Variants in DNAAF11 observed in about 807,000 individuals in gnomAD.
The protein encoded by DNAAF11 is leucine rich repeat containing 6.
DNAAF11 carries 45 observed loss-of-function variants against 60.8 expected under a neutral mutation model. The ratio of observed to expected loss-of-function variants is 0.74; its 90% CI spans 0.58 to 0.95. DNAAF11 has a LOEUF of 0.95. Ranked by LOEUF, DNAAF11 falls within the 40% of genes least tolerant of loss-of-function variation. The probability of loss-of-function intolerance (pLI) is 0.00; values close to 1 mark genes in which losing one functional copy is unlikely to be tolerated. For synonymous variants in DNAAF11, 191 were observed against 183.5 expected (o/e 1.04, Z -0.33); for missense variants, 546 against 546.2 (o/e 1.00, Z 0.00).
intron 11 of DNAAF11, among the ~76,000 whole-genome samples, chr8:132,576,373 T>A (rs766246741): frequency 6.6e-6 from 1 of 152,182 alleles, no homozygotes; most frequent in Non-Finnish European, 1.5e-5. Context: ...AAAGCTGTCT[T>A]CCTATCCTCA....
In DNAAF11 at chr8:132,631,773, C is replaced by A. The variant is rs1224450561; in HGVS notation, c.653+967G>T. Among the ~76,000 whole-genome samples, 3 of 151,940 alleles carry A rather than the reference C, an allele frequency of 2.0e-5. No homozygotes were observed. The East Asian group carries it at 5.8e-4, about 29-fold the overall frequency. The stretch of plus-strand genomic sequence containing the variant: ...AGCAAACTATTGCAAGGACAAAAAA[C>A]CAAACACCGCATGTTCTCACTCATA... On this transcript the variant is annotated intron_variant, in intron 5 of 11. Coordinates refer to ENST00000620350, the MANE Select transcript of DNAAF11 (RefSeq NM_012472.6).
chr8:132,575,450 G>C (rs1488447548), intron 11 of DNAAF11, among the ~76,000 whole-genome samples: 1 of 152,202 alleles, frequency 6.6e-6, no homozygotes, highest in African/African-American at 2.4e-5. Context: ...TAGGTGCCCA[G>C]TGCTGTAATC....
Position 132,656,848 on chromosome 8 carries a change from T to C in DNAAF11, c.238A>G (p.Lys80Glu). 7.4e-7 allele frequency: 1 copy of C among 1,352,020 alleles called. No individual in the cohort carries two copies. The highest frequency in any genetic ancestry group is 1.0e-6 in the Non-Finnish European group (1 of 963,642). The allele number at this position is 1,352,020 out of a possible 1,614,324, so 83.8% of individuals were successfully genotyped here. ...GTCTTACCTTCCAAGTTTTCTATTTTTTCAATGTTGTTTAAAGCTAAATTC... is the reference window on the plus strand; with the variant it reads ...GTCTTACCTTCCAAGTTTTCTATTTCTTCAATGTTGTTTAAAGCTAAATTC... ...YLNLALNNIEKIENLEGCEEL... is the reference protein window; with the variant it reads ...YLNLALNNIEEIENLEGCEEL... The change falls in exon 3 of 12, where the codon AAA (lysine) becomes GAA (glutamate). Residue 80 changes from lysine (K) to glutamate (E), a missense_variant. Physicochemically the swap from Lys to Glu is moderately conservative, Grantham distance 56. Coordinates refer to ENST00000620350, the MANE Select transcript of DNAAF11 (RefSeq NM_012472.6).
intron 4 of DNAAF11, among the ~76,000 whole-genome samples, chr8:132,636,699 C>T (rs1254324028): frequency 6.6e-6 from 1 of 152,126 alleles, no homozygotes; most frequent in Non-Finnish European, 1.5e-5. Context: ...AAGATCTAGT[C>T]CTATGATAGT....
In DNAAF11 at chr8:132,571,436, G is replaced by A. The variant is rs1271163741; in HGVS notation, c.*870C>T. On this transcript the variant is annotated 3_prime_UTR_variant, in exon 12 of 12. Coordinates refer to ENST00000620350, the MANE Select transcript of DNAAF11 (RefSeq NM_012472.6). ...AATTCATAATGTTCTAGATAAAGAA[G>A]AGGTAGGATATTAAAAAAGTAAAGA... Among the ~76,000 whole-genome samples the A allele has an allele frequency of 6.6e-6, 1 of 152,078 alleles. No individual in the cohort carries two copies. Among genetic ancestry groups the A allele is most frequent in the Non-Finnish European group, 1.5e-5 (1 of 68,020 alleles).
intron 5 of DNAAF11, among the ~76,000 whole-genome samples, chr8:132,628,177 G>T (rs901733538): frequency 6.6e-6 from 1 of 152,150 alleles, no homozygotes; most frequent in Admixed American, 6.5e-5. Flanking sequence ...ACTTTGGGAG[G>T]CCGAGGTGGG....
rs1305032575 is a variant in DNAAF11, at chr8:132,571,427, G to A, written c.*879C>T. 1.3e-5 allele frequency among the ~76,000 whole-genome samples: 2 copies of A among 152,026 alleles called. No homozygotes were observed. Among genetic ancestry groups the A allele is most frequent in the Non-Finnish European group, 1.5e-5 (1 of 68,018 alleles). ...GAAATATTGAATTCATAATGTTCTA[G>A]ATAAAGAAGAGGTAGGATATTAAAA... On this transcript the variant is annotated 3_prime_UTR_variant, in exon 12 of 12. Transcript: ENST00000620350.
In DNAAF11 at chr8:132,638,022, A is replaced by G. The variant is rs1448242987; in HGVS notation, c.342T>C (p.His114=). The G allele has an allele frequency of 1.2e-6, 2 of 1,614,134 alleles. No homozygotes were observed. Among genetic ancestry groups the G allele is most frequent in the Non-Finnish European group, 1.7e-6 (2 of 1,179,974 alleles). Reference sequence around the variant, plus strand: ...TCCCCATGAGAAAGAGCTCCTTCAGATGGATATTGTGCTGCAAGTTTTTAA... The same window carrying G: ...TCCCCATGAGAAAGAGCTCCTTCAGGTGGATATTGTGCTGCAAGTTTTTAA... ...SSIKNLQHNI[H]LKELFLMGNP... is the part of the protein sequence containing the mutation. Residue 114 remains histidine (H), a synonymous_variant, in exon 4 of 12, where the codon CAT becomes CAC. Transcript: ENST00000620350.
chr8:132,618,869 C>T (rs1819464076), intron 7 of DNAAF11, among the ~76,000 whole-genome samples: 1 of 152,002 alleles, frequency 6.6e-6, no homozygotes, highest in African/African-American at 2.4e-5. Context: ...ACTAGTTCAA[C>T]CACTGTGGAA....
At position 132,611,339 on chromosome 8, in the gene DNAAF11, A is replaced by C; in HGVS notation, c.999T>G (p.Asp333Glu). 1 of 1,610,944 alleles carries C rather than the reference A, an allele frequency of 6.2e-7. No individual in the cohort carries two copies. Among genetic ancestry groups the C allele is most frequent in the South Asian group, 1.1e-5 (1 of 90,970 alleles). Residue 333 changes from aspartate to glutamate, a missense_variant, in exon 9 of 12, where the codon GAT becomes GAG. Transcript: ENST00000620350. ...VYRYMDTSLI[D>E]VDVQPTYVRV... Reference sequence around the variant, plus strand: ...GCACGTAAGTTGGTTGCACATCAACATCGATTAAAGAGGTATCCATATACC... The same window carrying C: ...GCACGTAAGTTGGTTGCACATCAACCTCGATTAAAGAGGTATCCATATACC...
At chr8:132,590,254 T>G (rs1210132203) in intron 10 of DNAAF11, among the ~76,000 whole-genome samples, 1 of 152,222 alleles carries the variant, frequency 6.6e-6, no homozygotes, top group Non-Finnish European at 1.5e-5. Flanking sequence ...TCACAACCCC[T>G]GTCTGCATCA....
the DNAAF11 span, among the ~76,000 whole-genome samples, chr8:132,693,568 C>T: frequency 2.0e-5 from 3 of 151,804 alleles, no homozygotes; most frequent in Non-Finnish European, 4.4e-5. Context: ...AGTGCCTGCC[C>T]TCAAGAAGCT....
At chr8:132,587,467 T>A (rs958494643) in intron 10 of DNAAF11, among the ~76,000 whole-genome samples, 5 of 152,110 alleles carry the variant, frequency 3.3e-5, no homozygotes, top group Admixed American at 2.0e-4. Flanking sequence ...TCTGATAAGA[T>A]CAAATTTGCC....
intron 7 of DNAAF11, 40 bp downstream of exon 7, chr8:132,622,571 A>G (rs1563637772): frequency 3.4e-6 from 5 of 1,457,812 alleles, no homozygotes; most frequent in Non-Finnish European, 4.8e-6. Flanking sequence ...CCATTGACTG[A>G]CACTTTTGGG....
intron 10 of DNAAF11, among the ~76,000 whole-genome samples, chr8:132,594,843 C>T (rs533480545): frequency 3.9e-5 from 6 of 152,166 alleles, no homozygotes; most frequent in African/African-American, 1.4e-4. Context: ...CAGTCTGGGG[C>T]AGTTCTTTAT....
At chr8:132,674,274 A>G (rs1385735237) in intron 1 of DNAAF11, among the ~76,000 whole-genome samples, 2 of 152,118 alleles carry the variant, frequency 1.3e-5, no homozygotes, top group Non-Finnish European at 2.9e-5. Flanking sequence ...ATGGGGAGAC[A>G]GCCCTGAGAA....
chr8:132,694,060 A>G, the DNAAF11 span, among the ~76,000 whole-genome samples: 1 of 152,344 alleles, frequency 6.6e-6, no homozygotes, highest in Non-Finnish European at 1.5e-5. Flanking sequence ...ATCAGAAGCA[A>G]TGACATCAGC....
At chr8:132,684,255 C>G in the DNAAF11 span, among the ~76,000 whole-genome samples, 1 of 152,130 alleles carries the variant, frequency 6.6e-6, no homozygotes, top group South Asian at 2.1e-4. Context: ...GAAACAGCTA[C>G]AGTTTATTAA....
intron 2 of DNAAF11, among the ~76,000 whole-genome samples, chr8:132,660,280 G>C (rs927004509): frequency 6.6e-6 from 1 of 152,048 alleles, no homozygotes; most frequent in African/African-American, 2.4e-5. Context: ...ACATTGTGCA[G>C]GTTAGTTACA....
Sources: gnomAD v4.1 joint callset for allele counts (sites outside exome capture counted in the v4.1 genomes callset) on GRCh38, gnomAD v4.1.1 for gene constraint, MANE v1.5 for transcripts, NCBI Gene and HGNC (gene_info 2026-07-23, HGNC 2026-07-21) for gene names.